The following KCTD16 variants were observed in gnomAD, a reference collection of about 807,000 sequenced individuals.
KCTD16 encodes potassium channel tetramerization domain containing 16, also known as BTB/POZ domain-containing protein KCTD16.
A neutral mutation model predicts 33.2 loss-of-function variants in KCTD16; 13 were observed. That is an observed-to-expected ratio of 0.39 (90% confidence interval 0.25 to 0.62). The LOEUF (loss-of-function observed/expected upper bound fraction) is 0.62. KCTD16 is among the 20% of genes least tolerant of loss of function. The pLI is 0.50. For missense variants in KCTD16, 441 were observed against 525.1 expected, an observed-to-expected ratio of 0.84 and a Z score of 1.57; for synonymous variants, 197 against 195.3, an observed-to-expected ratio of 1.01 and a Z score of -0.07.
intron 3 of KCTD16, among the ~76,000 whole-genome samples, chr5:144,442,409 T>A (rs1001731294): frequency 8.5e-5 from 13 of 152,212 alleles, no homozygotes; most frequent in African/African-American, 3.1e-4. Context: ...AGAAGGCTCT[T>A]CTTGGCTCTC....
At chr5:144,271,766 C>T (rs1332315404) in intron 3 of KCTD16, among the ~76,000 whole-genome samples, 1 of 94,350 alleles carries the variant, frequency 1.1e-5, no homozygotes, top group African/African-American at 3.1e-5. Flanking sequence ...AAACTACACA[C>T]ACACACACAC....
At chr5:144,241,511 A>G (rs1754403079) in intron 3 of KCTD16, among the ~76,000 whole-genome samples, 1 of 152,178 alleles carries the variant, frequency 6.6e-6, no homozygotes, top group Non-Finnish European at 1.5e-5. Context: ...ACTTCGATGG[A>G]TATTTTAATT....
intron 3 of KCTD16, among the ~76,000 whole-genome samples, chr5:144,449,322 C>A (rs976210797): frequency 7.2e-5 from 11 of 151,870 alleles, no homozygotes; most frequent in African/African-American, 2.7e-4. Context: ...AATGTGCATA[C>A]TATGCAAAGC....
intron 3 of KCTD16, among the ~76,000 whole-genome samples, chr5:144,467,879 C>T (rs926497261): frequency 6.6e-5 from 10 of 152,192 alleles, no homozygotes; most frequent in Non-Finnish European, 1.3e-4. Flanking sequence ...GATGCCAGGA[C>T]TGGGATTTGG....
intron 3 of KCTD16, among the ~76,000 whole-genome samples, chr5:144,367,218 T>G (rs73795512): frequency 0.02 from 3,003 of 152,298 alleles, 101 homozygotes; most frequent in African/African-American, 0.068. Context: ...ATTAGCCACT[T>G]GAACTTCAGA....
intron 3 of KCTD16, among the ~76,000 whole-genome samples, chr5:144,261,416 G>A (rs1361764181): frequency 6.6e-6 from 1 of 152,210 alleles, no homozygotes; most frequent in Non-Finnish European, 1.5e-5. Context: ...CACCTCAAAT[G>A]TGCCTGCACC....
intron 3 of KCTD16, among the ~76,000 whole-genome samples, chr5:144,407,906 G>T (rs1752847292): frequency 6.6e-6 from 1 of 152,112 alleles, no homozygotes; most frequent in South Asian, 2.1e-4. Context: ...AGTATTCCAT[G>T]GTGTGTATGT....
intron 3 of KCTD16, among the ~76,000 whole-genome samples, chr5:144,455,189 C>A (rs760685869): frequency 4.6e-5 from 7 of 151,870 alleles, no homozygotes; most frequent in Non-Finnish European, 8.8e-5. Context: ...AGTGTGCACA[C>A]CCCTAACTTT....
At chr5:144,219,867 C>T (rs1448672102) in intron 3 of KCTD16, among the ~76,000 whole-genome samples, 1 of 152,112 alleles carries the variant, frequency 6.6e-6, no homozygotes, top group Non-Finnish European at 1.5e-5. Flanking sequence ...TTGGACCCAG[C>T]AGGAGAAACT....
chr5:144,197,430 A>G (rs1752960184), intron 2 of KCTD16, among the ~76,000 whole-genome samples: 1 of 152,242 alleles, frequency 6.6e-6, no homozygotes, highest in Non-Finnish European at 1.5e-5. Flanking sequence ...CTTAGATCAC[A>G]TGCTTGTTAT....
chr5:144,299,072 ATT>A (rs1554085837), intron 3 of KCTD16, among the ~76,000 whole-genome samples: 7 of 57,426 alleles, frequency 1.2e-4, no homozygotes, highest in African/African-American at 3.2e-4. Context: ...ATATATATAT[ATT>A]TTTGTATATA....
intron 3 of KCTD16, among the ~76,000 whole-genome samples, chr5:144,222,344 A>G (rs2126804624): frequency 6.6e-6 from 1 of 152,322 alleles, no homozygotes; most frequent in South Asian, 2.1e-4. Context: ...GCGATTAAAG[A>G]AAAAGTAATA....
chr5:144,255,114 A>G (rs747584282), intron 3 of KCTD16, among the ~76,000 whole-genome samples: 5 of 152,102 alleles, frequency 3.3e-5, no homozygotes, highest in Admixed American at 1.3e-4. Context: ...AATGTCCTCA[A>G]TGTTCATCTA....
intron 3 of KCTD16, among the ~76,000 whole-genome samples, chr5:144,284,482 A>G (rs748354231): frequency 1.3e-5 from 2 of 152,250 alleles, no homozygotes; most frequent in Non-Finnish European, 2.9e-5. Flanking sequence ...AAACTCTAAC[A>G]GTAACAATTC....
chr5:144,210,885 A>G (rs751279434), intron 3 of KCTD16, among the ~76,000 whole-genome samples: 4 of 152,188 alleles, frequency 2.6e-5, no homozygotes, highest in Non-Finnish European at 5.9e-5. Context: ...CCTCTAATAA[A>G]GCTGTGATAA....
At chr5:144,347,977 C>G (rs528272323) in intron 3 of KCTD16, among the ~76,000 whole-genome samples, 2 of 152,274 alleles carry the variant, frequency 1.3e-5, no homozygotes, top group Admixed American at 1.3e-4. Flanking sequence ...TTTCTCATAC[C>G]CTAGGTATAC....
intron 3 of KCTD16, among the ~76,000 whole-genome samples, chr5:144,393,688 A>G (rs1331473974): frequency 1.3e-5 from 2 of 152,280 alleles, no homozygotes; most frequent in Non-Finnish European, 2.9e-5. Flanking sequence ...AGAGTAGGCT[A>G]TATATTTAAA....
chr5:144,279,323 A>C (rs1755539330), intron 3 of KCTD16, among the ~76,000 whole-genome samples: 1 of 152,206 alleles, frequency 6.6e-6, no homozygotes, highest in African/African-American at 2.4e-5. Flanking sequence ...ATGACCAGGA[A>C]TTCAATTATG....
At chr5:144,371,594 T>A (rs1198209916) in intron 3 of KCTD16, among the ~76,000 whole-genome samples, 5 of 152,218 alleles carry the variant, frequency 3.3e-5, no homozygotes, top group Admixed American at 3.3e-4. Context: ...CAGCTGATTC[T>A]GTATATCACT....
Sources: allele counts gnomAD v4.1 joint callset (sites outside exome capture counted in the v4.1 genomes callset), GRCh38; gene constraint gnomAD v4.1.1; transcripts MANE v1.5; gene names NCBI Gene and HGNC (gene_info 2026-07-23, HGNC 2026-07-21).